ZNF679: variants seen among roughly 807,000 people sequenced by gnomAD.
The protein encoded by ZNF679 is zinc finger protein 679.
Under a neutral mutation model 13.4 loss-of-function variants are expected in ZNF679, and 10 were observed. The ratio of observed to expected loss-of-function variants is 0.75; its 90% CI spans 0.46 to 1.27. ZNF679 has a LOEUF of 1.27. Ranked by LOEUF, ZNF679 falls within the 50% of genes most tolerant of loss-of-function variation. The pLI is 0.00. For synonymous variants in ZNF679, 179 were observed against 162.5 expected (o/e 1.10, Z -0.77); for missense variants, 525 against 477.8 (o/e 1.10, Z -0.92).
At chr7:64,234,463 G>A (rs1290254291) in intron 1 of ZNF679, among the ~76,000 whole-genome samples, 1 of 152,126 alleles carries the variant, frequency 6.6e-6, no homozygotes, top group African/African-American at 2.4e-5. Context: ...AATGTGGGGG[G>A]ACATCTACTT....
rs1218746740 is a variant in ZNF679 at position 64,266,670 on chromosome 7, A to T, written c.1037A>T (p.His346Leu). ...ACCCTTAAGAAACATAAGATAATTC[A>T]TACTGGAGAGAAACCCTACAAATGT... ...SSTLKKHKIIHTGEKPYKCKE... is the reference protein window; with the variant it reads ...SSTLKKHKIILTGEKPYKCKE... Residue 346 changes from histidine to leucine, a missense_variant, in exon 5 of 5, where the codon CAT becomes CTT. By Grantham distance (99) the His-to-Leu change is moderately conservative (BLOSUM62 -3). Transcript: ENST00000421025. 1 of 1,613,778 alleles carries T rather than the reference A, an allele frequency of 6.2e-7. No homozygotes were observed. The highest frequency in any genetic ancestry group is 1.1e-5 in the South Asian group (1 of 91,058).
intron 2 of ZNF679, among the ~76,000 whole-genome samples, chr7:64,257,832 C>T (rs1490367664): frequency 2.0e-5 from 3 of 152,156 alleles, no homozygotes; most frequent in Non-Finnish European, 4.4e-5. Context: ...CTCGCTAATG[C>T]TAATAATGTG....
chr7:64,252,409 A>G (rs534139724), intron 2 of ZNF679, among the ~76,000 whole-genome samples: 1 of 152,152 alleles, frequency 6.6e-6, no homozygotes, highest in African/African-American at 2.4e-5. Flanking sequence ...AAATTTAGTC[A>G]TGTATTCTGT....
intron 1 of ZNF679, among the ~76,000 whole-genome samples, chr7:64,244,911 T>C (rs1490124394): frequency 6.6e-6 from 1 of 152,324 alleles, no homozygotes; most frequent in African/African-American, 2.4e-5. Context: ...TGCTGGATGG[T>C]AGAAACCAAG....
intron 2 of ZNF679, among the ~76,000 whole-genome samples, chr7:64,252,133 G>A (rs1199170048): frequency 6.6e-6 from 1 of 152,196 alleles, no homozygotes; most frequent in African/African-American, 2.4e-5. Flanking sequence ...ACGGTGCAGT[G>A]TCTCCTGGAA....
chr7:64,260,135 A>G (rs1788055523), intron 2 of ZNF679, 86 bp from the exon 3 acceptor site: 4 of 1,218,502 alleles, frequency 3.3e-6, no homozygotes, highest in Non-Finnish European at 3.4e-6. Context: ...CTCTAACTTG[A>G]GTCAAATAAA....
At chr7:64,251,295 T>G (rs969525677) in intron 2 of ZNF679, among the ~76,000 whole-genome samples, 3 of 151,778 alleles carry the variant, frequency 2.0e-5, no homozygotes, top group Non-Finnish European at 4.4e-5. Flanking sequence ...CTACTAAAAA[T>G]ACAAAAAAAT....
intron 4 of ZNF679, among the ~76,000 whole-genome samples, chr7:64,264,661 T>TG (rs1228353416): frequency 2.6e-5 from 4 of 151,904 alleles, no homozygotes; most frequent in African/African-American, 9.7e-5. Flanking sequence ...ACCATGAAGA[T>TG]TTTTTTTCAG....
chr7:64,263,599 C>T (rs1323379139), intron 4 of ZNF679, among the ~76,000 whole-genome samples: 5 of 152,088 alleles, frequency 3.3e-5, no homozygotes, highest in African/African-American at 4.8e-5. Context: ...TGGTACAATC[C>T]CCTTGGTAAT....
rs924648919 is a variant in ZNF679 at position 64,235,242 on chromosome 7, A to G, written c.-91+6590A>G. On this transcript the variant is annotated intron_variant, in intron 1 of 4. Coordinates refer to ENST00000421025, the MANE Select transcript of ZNF679 (RefSeq NM_153363.3). ...GATAGTAAACAACATGTTCCTGAAC[A>G]ACCCATGGGCCAAAGAGAAAAACCA... Among the ~76,000 whole-genome samples the G allele has an allele frequency of 2.6e-5, 4 of 152,118 alleles. No homozygotes were observed. In the South Asian group the frequency reaches 8.3e-4, roughly 32 times the overall value.
At chr7:64,245,786 A>T (rs1787861087) in intron 1 of ZNF679, among the ~76,000 whole-genome samples, 1 of 152,192 alleles carries the variant, frequency 6.6e-6, no homozygotes, top group Non-Finnish European at 1.5e-5. Context: ...GTGGTGGATC[A>T]GCTGAGGTCA....
chr7:64,253,388 G>A (rs1787966421), intron 2 of ZNF679, among the ~76,000 whole-genome samples: 1 of 152,124 alleles, frequency 6.6e-6, no homozygotes, highest in East Asian at 1.9e-4. Context: ...GTTCTTTCTA[G>A]GGAGCCTCTC....
At chr7:64,257,150 T>C (rs184703888) in intron 2 of ZNF679, among the ~76,000 whole-genome samples, 2 of 152,226 alleles carry the variant, frequency 1.3e-5, no homozygotes, top group Admixed American at 1.3e-4. Flanking sequence ...GCTCTTACTT[T>C]TGGAATTCTT....
At chr7:64,233,021 G>A (rs192385360) in intron 1 of ZNF679, among the ~76,000 whole-genome samples, 234 of 152,148 alleles carry the variant, frequency 1.5e-3, no homozygotes, top group African/African-American at 5.3e-3. Context: ...CAGGCAGATC[G>A]CCTGAGGTCA....
At chr7:64,241,352 TG>T (rs1323218323) in intron 1 of ZNF679, among the ~76,000 whole-genome samples, 1 of 152,218 alleles carries the variant, frequency 6.6e-6, no homozygotes, top group African/African-American at 2.4e-5. Context: ...GCACAAGGGT[TG>T]CATCACCTGG....
chr7:64,260,611 T>C (rs1003282123), intron 3 of ZNF679, among the ~76,000 whole-genome samples: 1 of 152,164 alleles, frequency 6.6e-6, no homozygotes, highest in Non-Finnish European at 1.5e-5. Context: ...GCCCACACCT[T>C]AGAATTCAGT....
intron 2 of ZNF679, 27 bp from the exon 3 acceptor site, chr7:64,260,194 T>C: frequency 6.3e-7 from 1 of 1,582,436 alleles, no homozygotes; most frequent in Non-Finnish European, 8.6e-7. Flanking sequence ...TCATGAGTGT[T>C]TTTTTGTTGT....
At chr7:64,257,175 A>G (rs1311663085) in intron 2 of ZNF679, among the ~76,000 whole-genome samples, 2 of 152,196 alleles carry the variant, frequency 1.3e-5, no homozygotes, top group Admixed American at 6.5e-5. Context: ...TTATAACATC[A>G]GGTTTGTAAA....
At chr7:64,247,733 G>T (rs987570908) in intron 1 of ZNF679, among the ~76,000 whole-genome samples, 1 of 152,064 alleles carries the variant, frequency 6.6e-6, no homozygotes, top group East Asian at 1.9e-4. Flanking sequence ...TGTATTTTTA[G>T]TAGAGATGAG....
Sources: allele counts gnomAD v4.1 joint callset (sites outside exome capture counted in the v4.1 genomes callset), GRCh38; gene constraint gnomAD v4.1.1; transcripts MANE v1.5; gene names NCBI Gene and HGNC (gene_info 2026-07-23, HGNC 2026-07-21).